Variants in CRISPLD1 observed in about 807,000 individuals in gnomAD.
The protein encoded by CRISPLD1 is cysteine rich secretory protein LCCL domain containing 1.
Under a neutral mutation model 77.5 loss-of-function variants are expected in CRISPLD1, and 60 were observed. The observed-to-expected ratio is 0.77, with a 90% CI of 0.63 to 0.96. CRISPLD1 has a LOEUF of 0.96. Ranked by LOEUF, CRISPLD1 falls within the 40% of genes least tolerant of loss-of-function variation. The pLI is 0.00. For synonymous variants in CRISPLD1, 195 were observed against 200.1 expected, an observed-to-expected ratio of 0.97 and a Z score of 0.22; for missense variants, 623 against 615.8, an observed-to-expected ratio of 1.01 and a Z score of -0.12.
intron 2 of CRISPLD1, among the ~76,000 whole-genome samples, chr8:74,999,463 A>G (rs1812701114): frequency 6.6e-6 from 1 of 152,226 alleles, no homozygotes; most frequent in Non-Finnish European, 1.5e-5. Context: ...AATACTACTC[A>G]AACTTTAATG....
In CRISPLD1 at chr8:75,011,159, T is replaced by C. The variant is rs529797153; in HGVS notation, c.259-1274T>C. The stretch of plus-strand genomic sequence containing the variant: ...TATTATTATACTTTAAGTTTTAGGG[T>C]ACATGTGCACAATGTGCAGGTTAGT... On this transcript the variant is annotated intron_variant, in intron 2 of 14. Transcript: ENST00000262207. 1.7e-4 allele frequency among the ~76,000 whole-genome samples: 26 copies of C among 151,640 alleles called. No homozygotes were observed. In the South Asian group the frequency reaches 5.0e-3, roughly 29 times the overall value.
At chr8:74,987,477 G>A (rs1031908780) in intron 2 of CRISPLD1, among the ~76,000 whole-genome samples, 6 of 152,134 alleles carry the variant, frequency 3.9e-5, no homozygotes, top group Admixed American at 6.5e-5. Context: ...ACAAAGTTTA[G>A]CTCATTAGCA....
chr8:75,000,425 A>G (rs1413811791), intron 2 of CRISPLD1: 1 of 985,354 alleles, frequency 1.0e-6, no homozygotes, highest in East Asian at 1.1e-4. Context: ...TACAACCTGA[A>G]CAAATACAAA....
chr8:74,994,599 G>A (rs1477409321), intron 2 of CRISPLD1, among the ~76,000 whole-genome samples: 1 of 152,114 alleles, frequency 6.6e-6, no homozygotes, highest in African/African-American at 2.4e-5. Context: ...TCCCTTCCTG[G>A]GATAGATACG....
At chr8:74,990,784 AAAAC>A (rs912316594) in intron 2 of CRISPLD1, among the ~76,000 whole-genome samples, 1 of 152,078 alleles carries the variant, frequency 6.6e-6, no homozygotes, top group Non-Finnish European at 1.5e-5. Flanking sequence ...AAAAAAAAAA[AAAAC>A]CAGAAAATTG....
chr8:74,991,666 A>G (rs1812575198), intron 2 of CRISPLD1, among the ~76,000 whole-genome samples: 1 of 152,026 alleles, frequency 6.6e-6, no homozygotes, highest in Non-Finnish European at 1.5e-5. Flanking sequence ...GAGTAGCTGA[A>G]ATGGTGGGCG....
chr8:75,000,485 G>C, intron 2 of CRISPLD1: 1 of 938,050 alleles, frequency 1.1e-6, no homozygotes, highest in Non-Finnish European at 1.3e-6. Context: ...TATGCCTTGA[G>C]ATTTTTGATG....
intron 2 of CRISPLD1, among the ~76,000 whole-genome samples, chr8:74,998,705 A>AAAAAAAAAC (rs1461857325): frequency 6.6e-6 from 1 of 151,370 alleles, no homozygotes; most frequent in African/African-American, 2.4e-5. Flanking sequence ...AAAAAAAAAA[A>AAAAAAAAAC]AAAGTAAAGT....
chr8:75,002,148 C>T (rs1175948467), intron 2 of CRISPLD1, among the ~76,000 whole-genome samples: 1 of 151,800 alleles, frequency 6.6e-6, no homozygotes, highest in Non-Finnish European at 1.5e-5. Context: ...TTCATGTTGT[C>T]TTAAATATGA....
chr8:75,025,190 G>A (rs2128788249), intron 12 of CRISPLD1, among the ~76,000 whole-genome samples: 1 of 152,230 alleles, frequency 6.6e-6, no homozygotes, highest in South Asian at 2.1e-4. Flanking sequence ...GATGTATGAG[G>A]CAGACAATGA....
At chr8:75,000,232 A>G in intron 2 of CRISPLD1, 1 of 985,320 alleles carries the variant, frequency 1.0e-6, no homozygotes, top group African/African-American at 1.7e-5. Flanking sequence ...AAGACGTGTC[A>G]AATCTGTATC....
At chr8:75,006,959 A>G (rs559668532) in intron 2 of CRISPLD1, among the ~76,000 whole-genome samples, 2 of 152,302 alleles carry the variant, frequency 1.3e-5, no homozygotes, top group East Asian at 1.9e-4. Context: ...AATGCAAAAC[A>G]TTTAACATTA....
At position 75,017,063 on chromosome 8, in the gene CRISPLD1, G is replaced by A. The variant is rs1477693513; in HGVS notation, c.946G>A (p.Gly316Ser). Residue 316 changes from glycine to serine, a missense_variant, in exon 9 of 15, where the codon GGC (glycine) becomes AGC (serine). Transcript: ENST00000262207. ...TTCNRYECPA[G>S]CLDSKAKVIG... is the part of the protein sequence containing the mutation. Reference sequence around the variant, plus strand: ...TTTATTTAGGTACGAATGTCCTGCTGGCTGTTTGGATAGTAAAGCTAAAGT... The same window carrying A: ...TTTATTTAGGTACGAATGTCCTGCTAGCTGTTTGGATAGTAAAGCTAAAGT... 1.2e-6 allele frequency: 2 copies of A among 1,612,450 alleles called. No homozygotes were observed. The highest frequency in any genetic ancestry group is 1.7e-6 in the Non-Finnish European group (2 of 1,179,180).
At chr8:75,022,222 T>A (rs1207054026) in intron 12 of CRISPLD1, among the ~76,000 whole-genome samples, 1 of 152,142 alleles carries the variant, frequency 6.6e-6, no homozygotes, top group African/African-American at 2.4e-5. Flanking sequence ...CCTTAAGTAG[T>A]CTGAAAAGCT....
chr8:75,007,736 G>C (rs1812859430), intron 2 of CRISPLD1, among the ~76,000 whole-genome samples: 1 of 136,780 alleles, frequency 7.3e-6, no homozygotes, highest in Non-Finnish European at 1.5e-5. Context: ...GCAGTAGTAT[G>C]ATCATAGCTC....
intron 2 of CRISPLD1, among the ~76,000 whole-genome samples, chr8:75,005,987 A>G (rs1380914400): frequency 6.6e-6 from 1 of 152,158 alleles, no homozygotes; most frequent in African/African-American, 2.4e-5. Flanking sequence ...TATAATAGAT[A>G]TCTTGGGCTT....
chr8:75,024,412 G>A (rs1434374137), intron 12 of CRISPLD1, among the ~76,000 whole-genome samples: 5 of 152,038 alleles, frequency 3.3e-5, no homozygotes, highest in African/African-American at 9.7e-5. Flanking sequence ...TGCAACCTCC[G>A]CCTCCCAGGT....
intron 2 of CRISPLD1, among the ~76,000 whole-genome samples, chr8:74,993,448 TC>T: frequency 6.6e-6 from 1 of 152,354 alleles, no homozygotes; most frequent in South Asian, 2.1e-4. Context: ...TATTTAATTT[TC>T]CTAAGGTGTT....
chr8:75,027,036 C>T (rs2128788691), intron 13 of CRISPLD1: 1 of 152,292 alleles, frequency 6.6e-6, no homozygotes, highest in East Asian at 1.9e-4. Flanking sequence ...CGTTGCTGGA[C>T]CTTCCAACCC....
Sources: allele counts gnomAD v4.1 joint callset (sites outside exome capture counted in the v4.1 genomes callset), GRCh38; gene constraint gnomAD v4.1.1; transcripts MANE v1.5; gene names NCBI Gene and HGNC (gene_info 2026-07-23, HGNC 2026-07-21).